Variants in ROR1 observed in about 807,000 individuals in gnomAD.
ROR1 encodes the protein inactive tyrosine-protein kinase transmembrane receptor ROR1.
Under a neutral mutation model 78.8 loss-of-function variants are expected in ROR1, and 19 were observed. That is an observed-to-expected ratio of 0.24 (90% CI 0.17 to 0.35). The LOEUF is 0.35. Ranked by LOEUF, ROR1 falls within the 10% of genes least tolerant of loss-of-function variation. The pLI, the probability that ROR1 is intolerant of heterozygous loss-of-function variation, is 1.00. For synonymous variants in ROR1, 386 were observed against 433.6 expected (o/e 0.89, Z 1.36); for missense variants, 917 against 1,177.8 (o/e 0.78, Z 3.24).
At chr1:63,809,539 C>G (rs920726269) in intron 1 of ROR1, among the ~76,000 whole-genome samples, 1 of 152,166 alleles carries the variant, frequency 6.6e-6, no homozygotes, top group African/African-American at 2.4e-5. Context: ...TGGAGAGTTT[C>G]AAAGAAGTCT....
chr1:64,060,707 G>A (rs578115594), intron 4 of ROR1, among the ~76,000 whole-genome samples: 1 of 152,272 alleles, frequency 6.6e-6, no homozygotes, highest in Admixed American at 6.5e-5. Context: ...CAGTAAAGCA[G>A]CTAACCTCCA....
intron 7 of ROR1, among the ~76,000 whole-genome samples, chr1:64,158,631 T>C (rs991202891): frequency 2.0e-5 from 3 of 152,214 alleles, no homozygotes; most frequent in Non-Finnish European, 2.9e-5. Flanking sequence ...TTAAGGCTCT[T>C]GGATGTATAC....
chr1:64,025,568 T>C (rs772529960), intron 2 of ROR1, among the ~76,000 whole-genome samples: 1 of 152,060 alleles, frequency 6.6e-6, no homozygotes, highest in Non-Finnish European at 1.5e-5. Context: ...TCAATGAGTG[T>C]ATAAAGAAAT....
rs564101207 is a variant in ROR1 at position 63,993,267 on chromosome 1, C to T, written c.92-16038C>T. ...CTTTCTATGGAGTCCCGTAAAACTC[C>T]GGGCATACCTCAGAAGAAACACTTG... is the stretch of plus-strand genomic sequence containing the variant. On this transcript the variant is annotated intron_variant, in intron 1 of 8. Coordinates refer to ENST00000371079, the MANE Select transcript of ROR1 (RefSeq NM_005012.4). 4.9e-4 allele frequency among the ~76,000 whole-genome samples: 74 copies of T among 152,264 alleles called. 2 individuals are homozygous for T. The South Asian group carries it at 0.015, about 30-fold the overall frequency.
In ROR1 at chr1:63,982,334, T is replaced by G. The variant is rs1418652448; in HGVS notation, c.92-26971T>G. Among the ~76,000 whole-genome samples the G allele has an allele frequency of 2.0e-5, 3 of 152,210 alleles. No homozygotes were observed. The East Asian group carries it at 5.8e-4, about 29-fold the overall frequency. ...TTGCAAGCCTGCGGTGAGGATCAAA[T>G]AAGACAGTAATTGGGAAAGCACTTT... On this transcript the variant is annotated intron_variant, in intron 1 of 8. Transcript: ENST00000371079.
intron 4 of ROR1, among the ~76,000 whole-genome samples, chr1:64,134,354 G>T (rs750131077): frequency 5.3e-5 from 8 of 152,120 alleles, no homozygotes; most frequent in African/African-American, 1.7e-4. Context: ...GTATTGAAAC[G>T]CAGAACATAG....
rs139362871 is a variant in ROR1 at position 64,177,665 on chromosome 1, G to A, written c.1624G>A (p.Val542Ile). 19 of 1,614,160 alleles carry A rather than the reference G, an allele frequency of 1.2e-5. No homozygotes were observed. The highest frequency in any genetic ancestry group is 6.7e-5 in the African/African-American group (5 of 75,050). Residue 542 changes from valine to isoleucine, a missense_variant, in exon 9 of 9, where the codon GTC (valine) becomes ATC (isoleucine). By Grantham distance (29) the Val-to-Ile change is conservative. Coordinates refer to ENST00000371079, the MANE Select transcript of ROR1 (RefSeq NM_005012.4). ...CAATATTGTCTGCCTTCTAGGTGCC[G>A]TCACTCAGGAACAACCTGTGTGCAT... is the stretch of plus-strand genomic sequence containing the variant. The part of the protein sequence containing the change: ...HPNIVCLLGA[V>I]TQEQPVCMLF...
rs56230309 is a variant in ROR1, at chr1:63,943,093, T to TAAA, written c.92-66190_92-66188dup. On this transcript the variant is annotated intron_variant, in intron 1 of 8. Transcript: ENST00000371079. The stretch of plus-strand genomic sequence containing the variant: ...GAGCAACAGAGCAAAACCCTGTCTT[T>TAAA]AAAAAAAAAAAAAAAAAAAAAAAAG... Among the ~76,000 whole-genome samples the TAAA allele has an allele frequency of 1.1e-3, 122 of 114,982 alleles. 1 individual carries two copies. Among genetic ancestry groups the TAAA allele is most frequent in the African/African-American group, 3.5e-3 (99 of 28,452 alleles). 75.4% of individuals were successfully genotyped at this position (114,982 alleles called of 152,430 possible).
chr1:63,909,321 T>C (rs1250743462), intron 1 of ROR1, among the ~76,000 whole-genome samples: 2 of 152,176 alleles, frequency 1.3e-5, no homozygotes, highest in African/African-American at 4.8e-5. Flanking sequence ...CAAACAAAAA[T>C]TCAATTGCTT....
intron 4 of ROR1, among the ~76,000 whole-genome samples, chr1:64,090,907 G>A (rs6421476): frequency 0.61 from 92,191 of 152,060 alleles, 29,471 homozygotes; most frequent in African/African-American, 0.82. Context: ...CCCACACTCA[G>A]CATGGGCCTA....
intron 1 of ROR1, among the ~76,000 whole-genome samples, chr1:63,887,018 G>A (rs1268635599): frequency 6.6e-6 from 1 of 152,210 alleles, no homozygotes; most frequent in Non-Finnish European, 1.5e-5. Context: ...TTTCCTATTT[G>A]TTCAAGGTGC....
At chr1:63,995,192 G>A (rs1646327456) in intron 1 of ROR1, among the ~76,000 whole-genome samples, 1 of 152,124 alleles carries the variant, frequency 6.6e-6, no homozygotes, top group Non-Finnish European at 1.5e-5. Context: ...ATGAAAAGGA[G>A]TTGCAAAATT....
At chr1:64,136,044 G>T (rs1649089555) in intron 4 of ROR1, among the ~76,000 whole-genome samples, 1 of 152,168 alleles carries the variant, frequency 6.6e-6, no homozygotes, top group Non-Finnish European at 1.5e-5. Flanking sequence ...TACGATGTGG[G>T]AGCTTAGTAA....
chr1:63,951,997 C>T (rs1430736608), intron 1 of ROR1, among the ~76,000 whole-genome samples: 1 of 152,272 alleles, frequency 6.6e-6, no homozygotes, highest in Non-Finnish European at 1.5e-5. Context: ...AATAAGGTCC[C>T]TGTCCTAGTG....
chr1:63,913,478 G>A (rs778400663), intron 1 of ROR1, among the ~76,000 whole-genome samples: 1 of 152,088 alleles, frequency 6.6e-6, no homozygotes, highest in Non-Finnish European at 1.5e-5. Context: ...GGAAGAATTT[G>A]GCTTCTTTCT....
At chr1:64,108,985 C>CA (rs1200843092) in intron 4 of ROR1, among the ~76,000 whole-genome samples, 1 of 152,162 alleles carries the variant, frequency 6.6e-6, no homozygotes, top group Non-Finnish European at 1.5e-5. Context: ...GTATCTTGGA[C>CA]ACACCCCAGA....
intron 7 of ROR1, among the ~76,000 whole-genome samples, chr1:64,149,798 G>A (rs1649570116): frequency 6.6e-6 from 1 of 152,142 alleles, no homozygotes; most frequent in African/African-American, 2.4e-5. Flanking sequence ...CTTTCTAACT[G>A]GCATCTAGGC....
chr1:63,937,719 C>A (rs1645804812), intron 1 of ROR1, among the ~76,000 whole-genome samples: 1 of 152,108 alleles, frequency 6.6e-6, no homozygotes, highest in Admixed American at 6.5e-5. Flanking sequence ...TGAGAGTTTT[C>A]TGAACCTAGA....
intron 1 of ROR1, among the ~76,000 whole-genome samples, chr1:64,008,532 T>C (rs763437610): frequency 6.6e-6 from 1 of 152,208 alleles, no homozygotes; most frequent in Non-Finnish European, 1.5e-5. Flanking sequence ...CTTTGAGAAA[T>C]CTCCCAACTG....
Sources: gnomAD v4.1 joint callset for allele counts (sites outside exome capture counted in the v4.1 genomes callset) on GRCh38, gnomAD v4.1.1 for gene constraint, MANE v1.5 for transcripts, NCBI Gene and HGNC (gene_info 2026-07-23, HGNC 2026-07-21) for gene names.